The following CFLAR variants were observed in gnomAD, a reference collection of about 807,000 sequenced individuals.
CFLAR encodes CASP8 and FADD-like apoptosis regulator.
Under a neutral mutation model 51.1 loss-of-function variants are expected in CFLAR, and 14 were observed. That is an observed-to-expected ratio of 0.27 (90% CI 0.18 to 0.43). The LOEUF is 0.43. Ranked by LOEUF, CFLAR falls within the 20% of genes least tolerant of loss-of-function variation. The probability of loss-of-function intolerance (pLI) is 1.00; values close to 1 mark genes in which losing one functional copy is unlikely to be tolerated. For missense variants in CFLAR, 390 were observed against 566.5 expected (o/e 0.69, Z 3.16); for synonymous variants, 210 against 211.6 (o/e 0.99, Z 0.06).
At chr2:201,123,427 C>T (rs530243191) in intron 1 of CFLAR, among the ~76,000 whole-genome samples, 1 of 152,306 alleles carries the variant, frequency 6.6e-6, no homozygotes, top group African/African-American at 2.4e-5. Context: ...GGGCTGCTCC[C>T]CGCTTCCAAT....
At chr2:201,131,618 T>C (rs1234924111) in intron 2 of CFLAR, among the ~76,000 whole-genome samples, 2 of 152,246 alleles carry the variant, frequency 1.3e-5, no homozygotes, top group African/African-American at 4.8e-5. Flanking sequence ...AGAACTATAC[T>C]AAAGAGAGCT....
At chr2:201,139,343 G>T (rs965848159) in intron 4 of CFLAR, 12 of 230,722 alleles carry the variant, frequency 5.2e-5, no homozygotes, top group Non-Finnish European at 9.5e-5. Flanking sequence ...ATTGTCCAAG[G>T]TTTCTCCCCA....
At chr2:201,143,131 T>C (rs1939331549) in intron 5 of CFLAR, among the ~76,000 whole-genome samples, 1 of 152,344 alleles carries the variant, frequency 6.6e-6, no homozygotes, top group Middle Eastern at 3.4e-3. Context: ...CTATGTAGCC[T>C]GTTGTGAGCC....
rs1464716680 is a variant in CFLAR at position 201,169,428 on chromosome 2, A to C, written c.*5455A>C. 6.6e-6 allele frequency: 1 copy of C among 152,156 alleles called. No homozygotes were observed. The highest frequency in any genetic ancestry group is 1.5e-5 in the Non-Finnish European group (1 of 68,018). The allele number at this position is 152,156 out of a possible 1,614,324, so 9.4% of individuals were successfully genotyped here. A position where few individuals can be genotyped will look rare whatever the true frequency, so the allele number is the denominator to read the frequency against. The stretch of plus-strand genomic sequence containing the variant: ...AGCCATATGCAGAAAATTGAAACTG[A>C]CCCCTTCCTTACACCTTATACAAAA... On this transcript the variant is annotated 3_prime_UTR_variant, in exon 10 of 10. Transcript: ENST00000309955.
chr2:201,169,406 C>T lies in CFLAR; in HGVS notation c.*5433C>T, dbSNP rs780392222. 2 of 152,126 alleles carry T rather than the reference C, an allele frequency of 1.3e-5. No homozygotes were observed. The highest frequency in any genetic ancestry group is 2.4e-5 in the African/African-American group (1 of 41,418). 9.4% of individuals were successfully genotyped at this position (152,126 alleles called of 1,614,324 possible). On this transcript the variant is annotated 3_prime_UTR_variant, in exon 10 of 10. Coordinates refer to ENST00000309955, the MANE Select transcript of CFLAR (RefSeq NM_003879.7). ...AATGGTGCTGGGAAAACTGGCTAGC[C>T]ATATGCAGAAAATTGAAACTGACCC... is the stretch of plus-strand genomic sequence containing the variant.
At position 201,138,174 on chromosome 2, in the gene CFLAR, G is replaced by C; in HGVS notation, c.523+2067G>C. The C allele has an allele frequency of 1.1e-6, 1 of 937,686 alleles. No homozygotes were observed. Among genetic ancestry groups the C allele is most frequent in the South Asian group, 1.3e-5 (1 of 77,816 alleles). The allele number at this position is 937,686 out of a possible 1,614,324, so 58.1% of individuals were successfully genotyped here. On this transcript the variant is annotated intron_variant, in intron 4 of 9. Transcript: ENST00000309955. The surrounding 1 kb of genome is among the most constrained non-coding windows in gnomAD (Gnocchi z 4.0). Reference sequence around the variant, plus strand: ...ACCACGTTCCCCCCAATCACCTGGAGGTGGGGTTACTTTTGTTTGATGTAA... The same window carrying C: ...ACCACGTTCCCCCCAATCACCTGGACGTGGGGTTACTTTTGTTTGATGTAA...
At chr2:201,134,234 GGAGGCGGAGGTTGCAGT>G (rs1340995731) in intron 3 of CFLAR, among the ~76,000 whole-genome samples, 1 of 152,036 alleles carries the variant, frequency 6.6e-6, no homozygotes, top group African/African-American at 2.4e-5. Context: ...CTTGAACCCA[GGAGGCGGAGGTTGCAGT>G]GAGTCGAGAT....
rs2049507745 is a variant in CFLAR, at chr2:201,132,812, C to A, written c.282-217C>A. On this transcript the variant is annotated intron_variant, in intron 2 of 9. Coordinates refer to ENST00000309955, the MANE Select transcript of CFLAR (RefSeq NM_003879.7). ...TGTTAGTTGGCAAAGGATGTACCAT[C>A]TCCTATTAAACGGGCAAGGACAAGT... 3 of 411,570 alleles carry A rather than the reference C, an allele frequency of 7.3e-6. No individual in the cohort carries two copies. The South Asian group carries it at 2.7e-4, about 37-fold the overall frequency. 25.5% of individuals were successfully genotyped at this position (411,570 alleles called of 1,614,324 possible).
In CFLAR at chr2:201,165,982, T is replaced by C. The variant is rs1422851509; in HGVS notation, c.*2009T>C. 5.0e-6 allele frequency: 1 copy of C among 201,710 alleles called. No individual in the cohort carries two copies. The highest frequency in any genetic ancestry group is 9.9e-6 in the Non-Finnish European group (1 of 101,096). 12.5% of individuals were successfully genotyped at this position (201,710 alleles called of 1,614,324 possible). On this transcript the variant is annotated 3_prime_UTR_variant, in exon 10 of 10. Transcript: ENST00000309955. The stretch of plus-strand genomic sequence containing the variant: ...ATGAAGTCTCCCATGTCTACTTCTT[T>C]CTACACAGACACAGCAACAATCTGA...
In CFLAR at chr2:201,137,659, A is replaced by G. The variant is rs2050325750; in HGVS notation, c.523+1552A>G. ...AGGCTGTGGGCCCCGATATCCTGGC[A>G]GCCATGCTGGATGCCCACTATGAGG... On this transcript the variant is annotated intron_variant, in intron 4 of 9. Transcript: ENST00000309955. The G allele has an allele frequency of 5.3e-6, 4 of 759,640 alleles. No homozygotes were observed. In the South Asian group the frequency reaches 5.4e-5, roughly 10 times the overall value. 47.1% of individuals were successfully genotyped at this position (759,640 alleles called of 1,614,324 possible). A position where few individuals can be genotyped will look rare whatever the true frequency, so the allele number is the denominator to read the frequency against.
intron 7 of CFLAR, 36 bp from the exon 8 acceptor site, chr2:201,149,718 T>A: frequency 1.3e-6 from 2 of 1,514,242 alleles, no homozygotes; most frequent in African/African-American, 1.4e-5. Context: ...CAGAGCAATA[T>A]CCAGAGTCTT....
rs1217419614 is a variant in CFLAR at position 201,168,384 on chromosome 2, A to G, written c.*4411A>G. 6.6e-6 allele frequency: 1 copy of G among 152,268 alleles called. No individual in the cohort carries two copies. The highest frequency in any genetic ancestry group is 1.5e-5 in the Non-Finnish European group (1 of 68,052). The allele number at this position is 152,268 out of a possible 1,614,324, so 9.4% of individuals were successfully genotyped here. A position where few individuals can be genotyped will look rare whatever the true frequency, so the allele number is the denominator to read the frequency against. On this transcript the variant is annotated 3_prime_UTR_variant, in exon 10 of 10. Transcript: ENST00000309955. ...AACTAAAGACAAAAACCACATGATT[A>G]TCTCAATAGATACAGAAAAGGCCTT...
chr2:201,137,918 G>C, intron 4 of CFLAR: 1 of 765,358 alleles, frequency 1.3e-6, no homozygotes, highest in Non-Finnish European at 2.4e-6. Context: ...TCACTGTGGA[G>C]GCTCCTAGGG....
intron 1 of CFLAR, among the ~76,000 whole-genome samples, chr2:201,125,783 G>C (rs1021043693): frequency 3.3e-5 from 5 of 152,122 alleles, no homozygotes; most frequent in African/African-American, 9.7e-5. Flanking sequence ...AACCACCAGG[G>C]TGTGGTGGTG....
At position 201,174,790 on chromosome 2, in the gene CFLAR, G is replaced by T. The variant is rs1384879487; in HGVS notation, c.*10817G>T. 6.6e-6 allele frequency: 1 copy of T among 152,136 alleles called. No homozygotes were observed. 9.4% of individuals were successfully genotyped at this position (152,136 alleles called of 1,614,324 possible). A position where few individuals can be genotyped will look rare whatever the true frequency, so the allele number is the denominator to read the frequency against. ...AAAAAGGGCCTCTGGAATTTTGATA[G>T]TGATTACACTGAATGAGAGGAGTTT... On this transcript the variant is annotated 3_prime_UTR_variant, in exon 10 of 10. Coordinates refer to ENST00000309955, the MANE Select transcript of CFLAR (RefSeq NM_003879.7).
chr2:201,158,895 T>G (rs771357258), intron 8 of CFLAR, among the ~76,000 whole-genome samples: 65 of 131,548 alleles, frequency 4.9e-4, no homozygotes, highest in Non-Finnish European at 8.8e-4. Flanking sequence ...TATTTGAATT[T>G]GAGACGGAGT....
Position 201,160,632 on chromosome 2 carries a change from C to T in CFLAR, c.994C>T (p.Pro332Ser). Residue 332 changes from proline (P) to serine (S), a missense_variant, in exon 9 of 10, where the codon CCC (proline) becomes TCC (serine). Pro to Ser is a moderately conservative substitution (Grantham distance 74). Transcript: ENST00000309955. Reference sequence around the variant, plus strand: ...TGTGGATCAGACTCACTCAGGGCTCCCCCTGCATCACATCAGGAGGATGTT... The same window carrying T: ...TGTGGATCAGACTCACTCAGGGCTCTCCCTGCATCACATCAGGAGGATGTT... Reference protein sequence around the residue: ...YGVDQTHSGLPLHHIRRMFMG... With the variant: ...YGVDQTHSGLSLHHIRRMFMG... 1 of 1,613,774 alleles carries T rather than the reference C, an allele frequency of 6.2e-7. No homozygotes were observed.
chr2:201,118,430 CT>C lies in CFLAR; in HGVS notation c.-138+1950del, dbSNP rs2047831047. The C allele has an allele frequency of 6.6e-6, 1 of 152,234 alleles. No homozygotes were observed. Among genetic ancestry groups the C allele is most frequent in the Non-Finnish European group, 1.5e-5 (1 of 68,100 alleles). 9.4% of individuals were successfully genotyped at this position (152,234 alleles called of 1,614,324 possible). A position where few individuals can be genotyped will look rare whatever the true frequency, so the allele number is the denominator to read the frequency against. ...GCTGAAGCGGAAATTGCCTAGGCCC[CT>C]GGGGCATTGGAGGTCCTACCGCAGC... On this transcript the variant is annotated intron_variant, in intron 1 of 9. Coordinates refer to ENST00000309955, the MANE Select transcript of CFLAR (RefSeq NM_003879.7). The surrounding 1 kb of genome is among the most constrained non-coding windows in gnomAD (Gnocchi z 5.1).
intron 1 of CFLAR, among the ~76,000 whole-genome samples, chr2:201,119,353 C>G (rs1490114225): frequency 6.6e-6 from 1 of 152,176 alleles, no homozygotes; most frequent in African/African-American, 2.4e-5. Context: ...ACACAGGTAA[C>G]TTCGAGTCAA....
Sources: gnomAD v4.1 joint callset for allele counts (sites outside exome capture counted in the v4.1 genomes callset) on GRCh38, gnomAD v4.1.1 for gene constraint, Gnocchi (gnomAD v3.1) non-coding constraint, MANE v1.5 for transcripts, NCBI Gene and HGNC (gene_info 2026-07-23, HGNC 2026-07-21) for gene names.